The following TTC29 variants were observed in gnomAD, a reference collection of about 807,000 sequenced individuals.
TTC29 encodes the protein tetratricopeptide repeat protein 29.
Under a neutral mutation model 58.1 loss-of-function variants are expected in TTC29, and 49 were observed. The ratio of observed to expected loss-of-function variants is 0.84; its 90% CI spans 0.67 to 1.07. The LOEUF is 1.07. Among genes scored for constraint, TTC29 ranks in the 50% least tolerant of loss-of-function variants. TTC29 has a pLI of 0.00. For missense variants in TTC29, 582 were observed against 555.6 expected (o/e 1.05, Z -0.48); for synonymous variants, 209 against 196.8 (o/e 1.06, Z -0.52).
intron 10 of TTC29, among the ~76,000 whole-genome samples, chr4:146,808,650 A>G (rs185555127): frequency 9.5e-4 from 145 of 152,330 alleles, no homozygotes; most frequent in African/African-American, 3.3e-3. Context: ...CTACAAAGAG[A>G]ATAAAATACC....
intron 10 of TTC29, among the ~76,000 whole-genome samples, chr4:146,817,661 C>T (rs1183840245): frequency 1.3e-5 from 2 of 152,178 alleles, no homozygotes; most frequent in Non-Finnish European, 2.9e-5. Context: ...CTGGAGGCAT[C>T]ATGCTACCTG....
Position 146,715,991 on chromosome 4 carries a change from A to G in TTC29, c.1331-8440T>C, listed in dbSNP as rs555750960. Among the ~76,000 whole-genome samples, 88 of 152,294 alleles carry G rather than the reference A, an allele frequency of 5.8e-4. 1 individual carries two copies. The South Asian group carries it at 0.018, about 30-fold the overall frequency. ...GAAGGTAGGTTGTGAAAAGTTAAAG[A>G]TATACACTGATCATTATTTTTGTTT... On this transcript the variant is annotated intron_variant, in intron 11 of 12. Transcript: ENST00000325106.
intron 6 of TTC29, among the ~76,000 whole-genome samples, chr4:146,889,280 TC>T (rs1456569916): frequency 2.0e-5 from 3 of 152,206 alleles, no homozygotes; most frequent in Non-Finnish European, 4.4e-5. Context: ...TTCATGATTA[TC>T]TTTTACCAGC....
intron 11 of TTC29, among the ~76,000 whole-genome samples, chr4:146,708,143 C>T (rs1199191366): frequency 6.6e-6 from 1 of 151,632 alleles, no homozygotes; most frequent in East Asian, 1.9e-4. Context: ...CCAGACGAGC[C>T]CTGCCTGAAT....
At chr4:146,863,977 G>A (rs1730409299) in intron 8 of TTC29, among the ~76,000 whole-genome samples, 1 of 151,762 alleles carries the variant, frequency 6.6e-6, no homozygotes, top group Non-Finnish European at 1.5e-5. Flanking sequence ...ATCTTCTCCA[G>A]AAACACCCTC....
rs190215093 is a variant in TTC29 at position 146,872,382 on chromosome 4, T to C, written c.799+2334A>G. 3.3e-3 allele frequency among the ~76,000 whole-genome samples: 506 copies of C among 152,134 alleles called. 4 individuals are homozygous for C. Among genetic ancestry groups the C allele is most frequent in the African/African-American group, 0.011 (468 of 41,540 alleles). The stretch of plus-strand genomic sequence containing the variant: ...GAAGCAAGAACAGCAAAAGAAAAAC[T>C]AGACGAACTGAACTTTATCAAAATT... On this transcript the variant is annotated intron_variant, in intron 7 of 12. Transcript: ENST00000325106.
chr4:146,936,716 A>G (rs980329280), intron 4 of TTC29, among the ~76,000 whole-genome samples: 8 of 152,096 alleles, frequency 5.3e-5, no homozygotes, highest in Non-Finnish European at 1.2e-4. Context: ...AAAATGGAAA[A>G]CACCAAGAGA....
intron 11 of TTC29, among the ~76,000 whole-genome samples, chr4:146,728,774 CATAT>C (rs1454226268): frequency 3.2e-5 from 4 of 124,046 alleles, no homozygotes; most frequent in Admixed American, 2.5e-4. Context: ...TATATATACA[CATAT>C]ATATGTGTAT....
At chr4:146,934,316 G>C (rs995718322) in intron 4 of TTC29, 13 of 152,206 alleles carry the variant, frequency 8.5e-5, no homozygotes, top group African/African-American at 2.7e-4. Flanking sequence ...TGATGGATTA[G>C]AGGGGGGTAG....
intron 8 of TTC29, among the ~76,000 whole-genome samples, chr4:146,841,371 A>C (rs568868140): frequency 1.3e-4 from 20 of 152,214 alleles, no homozygotes; most frequent in Admixed American, 1.0e-3. Flanking sequence ...CTATGACCAG[A>C]TCACACAGGT....
intron 4 of TTC29, among the ~76,000 whole-genome samples, chr4:146,926,236 A>G (rs1400458342): frequency 6.6e-6 from 1 of 152,186 alleles, no homozygotes; most frequent in East Asian, 1.9e-4. Flanking sequence ...TAGTATCAGG[A>G]AAAAGCTTGT....
chr4:146,758,985 C>A (rs183136995), intron 11 of TTC29, among the ~76,000 whole-genome samples: 13 of 151,926 alleles, frequency 8.6e-5, no homozygotes, highest in Non-Finnish European at 1.3e-4. Context: ...AGGAAATAAC[C>A]AAGATCAGAG....
At chr4:146,803,024 T>C (rs1446365927) in intron 11 of TTC29, among the ~76,000 whole-genome samples, 1 of 152,212 alleles carries the variant, frequency 6.6e-6, no homozygotes, top group Non-Finnish European at 1.5e-5. Context: ...TCTAAATTAA[T>C]ATTCCAACTC....
intron 11 of TTC29, among the ~76,000 whole-genome samples, chr4:146,716,661 G>T (rs1346664375): frequency 6.6e-6 from 1 of 151,982 alleles, no homozygotes; most frequent in African/African-American, 2.4e-5. Flanking sequence ...AGATACTGTA[G>T]ATATACAGTA....
intron 4 of TTC29, among the ~76,000 whole-genome samples, chr4:146,919,491 G>A (rs1421810064): frequency 6.6e-6 from 1 of 150,846 alleles, no homozygotes; most frequent in Non-Finnish European, 1.5e-5. Context: ...ACTACAAAGA[G>A]TGGACTAAAT....
intron 7 of TTC29, among the ~76,000 whole-genome samples, chr4:146,868,537 C>CTTA (rs1178697689): frequency 6.6e-5 from 10 of 152,022 alleles, no homozygotes; most frequent in Non-Finnish European, 1.3e-4. Flanking sequence ...CTTTCTAATT[C>CTTA]CTGCAATATC....
intron 6 of TTC29, among the ~76,000 whole-genome samples, chr4:146,896,203 C>T (rs1732760291): frequency 6.6e-6 from 1 of 152,122 alleles, no homozygotes; most frequent in South Asian, 2.1e-4. Flanking sequence ...TATACAGAAA[C>T]TGTATTCATA....
At chr4:146,859,008 C>A (rs1478588631) in intron 8 of TTC29, among the ~76,000 whole-genome samples, 1 of 152,090 alleles carries the variant, frequency 6.6e-6, no homozygotes, top group African/African-American at 2.4e-5. Flanking sequence ...GTCTAACGAT[C>A]AAAGATTTGA....
chr4:146,914,200 T>C (rs1474121121), intron 4 of TTC29, among the ~76,000 whole-genome samples: 3 of 152,140 alleles, frequency 2.0e-5, no homozygotes, highest in African/African-American at 7.2e-5. Flanking sequence ...AAAAAAGGAA[T>C]GTCAATCTCT....
Sources: allele counts gnomAD v4.1 joint callset (sites outside exome capture counted in the v4.1 genomes callset), GRCh38; gene constraint gnomAD v4.1.1; transcripts MANE v1.5; gene names NCBI Gene and HGNC (gene_info 2026-07-23, HGNC 2026-07-21).